The following PPP6R3 variants were observed in gnomAD, a reference collection of about 807,000 sequenced individuals.
PPP6R3 encodes serine/threonine-protein phosphatase 6 regulatory subunit 3.
PPP6R3 carries 38 observed loss-of-function variants against 110.7 expected under a neutral mutation model. That is an observed-to-expected ratio of 0.34 (90% CI 0.26 to 0.45). The LOEUF (loss-of-function observed/expected upper bound fraction) is 0.45, where lower values mean the gene tolerates loss of function less well. Among genes scored for constraint, PPP6R3 ranks in the 20% least tolerant of loss-of-function variants. The probability of loss-of-function intolerance (pLI) is 1.00; values close to 1 mark genes in which losing one functional copy is unlikely to be tolerated. For missense variants in PPP6R3, 870 were observed against 1,062.4 expected, an observed-to-expected ratio of 0.82 and a Z score of 2.52; for synonymous variants, 369 against 373.5, an observed-to-expected ratio of 0.99 and a Z score of 0.14.
intron 1 of PPP6R3, among the ~76,000 whole-genome samples, chr11:68,496,634 G>A (rs559354828): frequency 1.3e-5 from 2 of 151,984 alleles, no homozygotes; most frequent in East Asian, 3.9e-4. Flanking sequence ...CACCGCATCT[G>A]GCTAATTTTT....
chr11:68,461,468 C>A (rs942474825), intron 1 of PPP6R3, among the ~76,000 whole-genome samples: 4 of 144,906 alleles, frequency 2.8e-5, no homozygotes, highest in Non-Finnish European at 6.1e-5. Flanking sequence ...GTCTCGAATG[C>A]CTCCCTGGTG....
rs114853439 is a variant in PPP6R3, at chr11:68,579,137, C to T, written c.1545+3094C>T. Among the ~76,000 whole-genome samples, 944 of 152,246 alleles carry T rather than the reference C, an allele frequency of 6.2e-3. 15 individuals are homozygous for T. Among genetic ancestry groups the T allele is most frequent in the African/African-American group, 0.022 (910 of 41,530 alleles). ...GCCTGTATTAATCACCAGGAGTTTC[C>T]GCAGGTTGGGGTGAAACCTGAAAGT... On this transcript the variant is annotated intron_variant, in intron 14 of 23. Transcript: ENST00000393800.
intron 21 of PPP6R3, among the ~76,000 whole-genome samples, chr11:68,602,878 C>T (rs2099635899): frequency 6.6e-6 from 1 of 152,188 alleles, no homozygotes; most frequent in Admixed American, 6.5e-5. Flanking sequence ...CCAGGCTCAT[C>T]ACCTATGTTG....
intron 1 of PPP6R3, among the ~76,000 whole-genome samples, chr11:68,465,477 CTA>C (rs745511898): frequency 5.3e-5 from 8 of 152,284 alleles, no homozygotes; most frequent in Admixed American, 1.3e-4. Context: ...ATTAGGAAAA[CTA>C]TAAATTTTTA....
chr11:68,591,634 G>T lies in PPP6R3; in HGVS notation c.1844G>T (p.Gly615Val), dbSNP rs756175932. The T allele has an allele frequency of 3.7e-6, 6 of 1,613,146 alleles. No homozygotes were observed. Among genetic ancestry groups the T allele is most frequent in the South Asian group, 1.1e-5 (1 of 90,922 alleles). ...GAAAGAATACAACAGTTTGATGATGGTGGCTCTGATGAGGAAGATATATGG... is the reference window on the plus strand; with the variant it reads ...GAAAGAATACAACAGTTTGATGATGTTGGCTCTGATGAGGAAGATATATGG... ...CKERIQQFDD[G>V]GSDEEDIWEE... The change falls in exon 18 of 24, where the codon GGT becomes GTT. Residue 615 changes from glycine to valine, a missense_variant. Coordinates refer to ENST00000393800, the MANE Select transcript of PPP6R3 (RefSeq NM_001164161.2).
At chr11:68,521,002 C>T (rs980106368) in intron 2 of PPP6R3, among the ~76,000 whole-genome samples, 5 of 152,118 alleles carry the variant, frequency 3.3e-5, no homozygotes, top group African/African-American at 1.2e-4. Context: ...GAACTCCTGG[C>T]CTCAAGTGAT....
At chr11:68,460,990 G>C (rs1033910578) in intron 1 of PPP6R3, among the ~76,000 whole-genome samples, 163 bp downstream of exon 1, 1 of 151,820 alleles carries the variant, frequency 6.6e-6, no homozygotes, top group Non-Finnish European at 1.5e-5. Flanking sequence ...GGGCCCGGGA[G>C]GCGCGGCGCC....
At chr11:68,496,341 C>G (rs557336635) in intron 1 of PPP6R3, among the ~76,000 whole-genome samples, 32 of 151,842 alleles carry the variant, frequency 2.1e-4, no homozygotes, top group Non-Finnish European at 3.7e-4. Context: ...CCATCCCTTC[C>G]CATCCCTCCT....
intron 1 of PPP6R3, among the ~76,000 whole-genome samples, chr11:68,480,808 C>A (rs1226505032): frequency 6.6e-6 from 1 of 152,124 alleles, no homozygotes; most frequent in Non-Finnish European, 1.5e-5. Context: ...TAAGAGTTAG[C>A]AAATATATGA....
rs762319476 is a variant in PPP6R3 at position 68,473,655 on chromosome 11, C to CT, written c.-158+12829dup. Among the ~76,000 whole-genome samples the CT allele has an allele frequency of 7.2e-5, 11 of 152,320 alleles. No homozygotes were observed. The East Asian group carries it at 1.9e-3, about 27-fold the overall frequency. On this transcript the variant is annotated intron_variant, in intron 1 of 23. Transcript: ENST00000393800. ...AGTCCTCACCCTGTGGGATCTGACT[C>CT]TATCTCCAGGTAGATGGTGTTGGAA...
In PPP6R3 at chr11:68,575,801, C is replaced by T. The variant is rs139111573; in HGVS notation, c.1460-157C>T. Among the ~76,000 whole-genome samples the T allele has an allele frequency of 2.6e-5, 4 of 152,318 alleles. No individual in the cohort carries two copies. The East Asian group carries it at 7.7e-4, about 29-fold the overall frequency. ...TTTAATAATTCCATTTCTCTAAGAG[C>T]ACTGGGCTGGCTGTCACCCAGTTTC... is the stretch of plus-strand genomic sequence containing the variant. On this transcript the variant is annotated intron_variant, in intron 13 of 23. Coordinates refer to ENST00000393800, the MANE Select transcript of PPP6R3 (RefSeq NM_001164161.2).
At chr11:68,554,406 C>A in intron 7 of PPP6R3, 149 bp downstream of exon 7, 2 of 518,956 alleles carry the variant, frequency 3.9e-6, no homozygotes, top group Non-Finnish European at 6.6e-6. Flanking sequence ...AAACCTGCTT[C>A]TTTTATCTCA....
At chr11:68,534,091 G>GACA (rs1273185184) in intron 2 of PPP6R3, among the ~76,000 whole-genome samples, 53 of 152,300 alleles carry the variant, frequency 3.5e-4, no homozygotes, top group African/African-American at 1.3e-3. Flanking sequence ...CTGGCACAAT[G>GACA]GAGGAAACTC....
At chr11:68,590,614 T>G in intron 16 of PPP6R3, 46 bp from the exon 17 acceptor site, 7 of 1,507,850 alleles carry the variant, frequency 4.6e-6, no homozygotes, top group Middle Eastern at 2.2e-4. Flanking sequence ...TTCTGTGAGC[T>G]GATAGTAATT....
chr11:68,487,721 C>G (rs1033596933), intron 1 of PPP6R3, among the ~76,000 whole-genome samples: 1 of 151,746 alleles, frequency 6.6e-6, no homozygotes, highest in African/African-American at 2.4e-5. Flanking sequence ...TTATTGATTT[C>G]TAGTTTAATT....
intron 22 of PPP6R3, among the ~76,000 whole-genome samples, chr11:68,604,427 C>T (rs576538607): frequency 6.6e-6 from 1 of 152,228 alleles, no homozygotes; most frequent in Non-Finnish European, 1.5e-5. Flanking sequence ...TGGTAAGTAT[C>T]TCTAGAAAAT....
chr11:68,553,602 CT>C (rs1168552072), intron 6 of PPP6R3, among the ~76,000 whole-genome samples: 2 of 151,882 alleles, frequency 1.3e-5, no homozygotes, highest in African/African-American at 4.8e-5. Context: ...TGTACTTTCA[CT>C]TTTTTTTAAT....
At chr11:68,468,916 C>CA (rs1262579227) in intron 1 of PPP6R3, among the ~76,000 whole-genome samples, 1 of 152,182 alleles carries the variant, frequency 6.6e-6, no homozygotes, top group African/African-American at 2.4e-5. Flanking sequence ...TGTGGAGTCT[C>CA]ACATTTTATA....
intron 9 of PPP6R3, among the ~76,000 whole-genome samples, chr11:68,566,368 T>C (rs543620210): frequency 6.6e-6 from 1 of 152,080 alleles, no homozygotes; most frequent in East Asian, 1.9e-4. Context: ...TTCTTCCTTT[T>C]TTTGTTTTTT....
Sources: gnomAD v4.1 joint callset for allele counts (sites outside exome capture counted in the v4.1 genomes callset) on GRCh38, gnomAD v4.1.1 for gene constraint, MANE v1.5 for transcripts, NCBI Gene and HGNC (gene_info 2026-07-23, HGNC 2026-07-21) for gene names.